Variants in CBLL2 observed in about 807,000 individuals in gnomAD.
The protein encoded by CBLL2 is Cbl proto-oncogene like 2.
For synonymous variants in CBLL2, 123 were observed against 124.9 expected (o/e 0.98, Z 0.10); for missense variants, 347 against 343.2 (o/e 1.01, Z -0.09).
rs1275971114 is a variant in CBLL2, at chrX:22,274,019, C to T, written c.1028C>T (p.Pro343Leu). The T allele has an allele frequency of 8.3e-7, 1 of 1,211,535 alleles. No individual in the cohort carries two copies. Among genetic ancestry groups the T allele is most frequent in the South Asian group, 1.8e-5 (1 of 56,966 alleles). Residue 343 changes from proline to leucine, a missense_variant, in exon 1 of 1, where the codon CCC (proline) becomes CTC (leucine). Transcript: ENST00000323684. Reference protein sequence around the residue: ...PDMNSPPLRAPQSQNGNPSAS... With the variant: ...PDMNSPPLRALQSQNGNPSAS... ...ATGAATTCTCCTCCACTACGTGCTC[C>T]CCAGTCTCAAAATGGTAATCCATCT...
chrX:22,272,941 C>G lies in CBLL2; in HGVS notation c.-51C>G, dbSNP rs770606914. 3.7e-6 allele frequency: 4 copies of G among 1,070,057 alleles called. No homozygotes were observed. The Admixed American group carries it at 1.2e-4, about 32-fold the overall frequency. 88.2% of individuals were successfully genotyped at this position (1,070,057 alleles called of 1,213,427 possible). On this transcript the variant is annotated 5_prime_UTR_variant, in exon 1 of 1. Transcript: ENST00000323684. ...TTAGCAGAAGAATTCCTTTAAACGT[C>G]ATTTTTGAGGAAGTAGACAAACCTA...
Position 22,273,272 on chromosome X carries a change from C to T in CBLL2, c.281C>T (p.Pro94Leu), listed in dbSNP as rs201885236. Residue 94 changes from proline (P) to leucine (L), a missense_variant, in exon 1 of 1, where the codon CCG (proline) becomes CTG (leucine). Physicochemically the swap from Pro to Leu is moderately conservative, Grantham distance 98. Transcript: ENST00000323684. ...GACAAAGTCGGATATAAAGTATGTC[C>T]GCGCTGTCGTTATCCTGTGCTGAGA... ...LYDKVGYKVC[P>L]RCRYPVLRIE... The T allele has an allele frequency of 4.0e-5, 48 of 1,209,826 alleles. No individual in the cohort carries two copies. The highest frequency in any genetic ancestry group is 3.7e-4 in the South Asian group (21 of 56,759).
At position 22,274,070 on chromosome X, in the gene CBLL2, A is replaced by G; in HGVS notation, c.1079A>G (p.Tyr360Cys). 2 of 1,211,963 alleles carry G rather than the reference A, an allele frequency of 1.7e-6. No individual in the cohort carries two copies. Among genetic ancestry groups the G allele is most frequent in the South Asian group, 3.5e-5 (2 of 57,004 alleles). Residue 360 changes from tyrosine to cysteine, a missense_variant, in exon 1 of 1, where the codon TAT (tyrosine) becomes TGT (cysteine). Coordinates refer to ENST00000323684, the MANE Select transcript of CBLL2 (RefSeq NM_152577.4). ...PSASEFASHH[Y>C]NLNILPQFTE... is the part of the protein sequence containing the mutation. ...GCAAGTGAATTTGCTTCTCACCATT[A>G]TAACCTTAACATTTTACCTCAGTTC...
chrX:22,273,919 C>T lies in CBLL2; in HGVS notation c.928C>T (p.Arg310Cys). Residue 310 changes from arginine to cysteine, a missense_variant, in exon 1 of 1, where the codon CGT becomes TGT. By Grantham distance (180) the Arg-to-Cys change is radical. Transcript: ENST00000323684. Reference protein sequence around the residue: ...PQDVVTPNSVRSQVPALTTTY... With the variant: ...PQDVVTPNSVCSQVPALTTTY... ...GGATGTAGTTACTCCTAACTCGGTT[C>T]GTAGCCAAGTGCCAGCTCTAACCAC... 5.0e-6 allele frequency: 6 copies of T among 1,210,970 alleles called. No individual in the cohort carries two copies. Among genetic ancestry groups the T allele is most frequent in the South Asian group, 1.8e-5 (1 of 56,941 alleles).
chrX:22,273,461 T>G lies in CBLL2; in HGVS notation c.470T>G (p.Ile157Ser). Residue 157 changes from isoleucine to serine, a missense_variant, in exon 1 of 1, where the codon ATT becomes AGT. Physicochemically the swap from Ile to Ser is moderately radical, Grantham distance 142. Coordinates refer to ENST00000323684, the MANE Select transcript of CBLL2 (RefSeq NM_152577.4). ...TCGCTTGAAAAAGTTCGTCCTCATA[T>G]TGCTCCGCCACAAACTGAAATCTCT... is the stretch of plus-strand genomic sequence containing the variant. Reference protein sequence around the residue: ...SASLEKVRPHIAPPQTEISDI... With the variant: ...SASLEKVRPHSAPPQTEISDI... 2 of 1,211,718 alleles carry G rather than the reference T, an allele frequency of 1.7e-6. No individual in the cohort carries two copies. The highest frequency in any genetic ancestry group is 2.2e-6 in the Non-Finnish European group (2 of 895,534).
chrX:22,274,389 G>A lies in CBLL2; in HGVS notation c.*120G>A. 2 of 627,542 alleles carry A rather than the reference G, an allele frequency of 3.2e-6. No individual in the cohort carries two copies. Among genetic ancestry groups the A allele is most frequent in the Non-Finnish European group, 4.7e-6 (2 of 421,995 alleles). 51.7% of individuals were successfully genotyped at this position (627,542 alleles called of 1,213,427 possible). ...TGGAGTTGAACAACTTTGTTCCTCT[G>A]GTGTGGTAAATTGACCTAAAGGTGA... On this transcript the variant is annotated 3_prime_UTR_variant, in exon 1 of 1. Coordinates refer to ENST00000323684, the MANE Select transcript of CBLL2 (RefSeq NM_152577.4).
At position 22,273,403 on chromosome X, in the gene CBLL2, C is replaced by T; in HGVS notation, c.412C>T (p.His138Tyr). The change falls in exon 1 of 1, where the codon CAT becomes TAT. Residue 138 changes from histidine (H) to tyrosine (Y), a missense_variant. Coordinates refer to ENST00000323684, the MANE Select transcript of CBLL2 (RefSeq NM_152577.4). ...CTTACAGGCTCATATCAAACGCCGC[C>T]ATAAGAGAGCTCGAAAACAAGTTAC... The part of the protein sequence containing the change: ...KSLQAHIKRR[H>Y]KRARKQVTSA... 4 of 1,211,651 alleles carry T rather than the reference C, an allele frequency of 3.3e-6. No homozygotes were observed. Among genetic ancestry groups the T allele is most frequent in the Non-Finnish European group, 4.5e-6 (4 of 895,522 alleles).
Position 22,272,920 on chromosome X carries a change from C to T in CBLL2, c.-72C>T, listed in dbSNP as rs1186781565. ...GATCGTTGGGTGGCCTTCACGTTAGCAGAAGAATTCCTTTAAACGTCATTT... is the reference window on the plus strand; with the variant it reads ...GATCGTTGGGTGGCCTTCACGTTAGTAGAAGAATTCCTTTAAACGTCATTT... On this transcript the variant is annotated 5_prime_UTR_variant, in exon 1 of 1. Transcript: ENST00000323684. 7 of 959,210 alleles carry T rather than the reference C, an allele frequency of 7.3e-6. No homozygotes were observed. Among genetic ancestry groups the T allele is most frequent in the East Asian group, 3.1e-5 (1 of 32,520 alleles). The allele number at this position is 959,210 out of a possible 1,213,427, so 79.0% of individuals were successfully genotyped here.
At position 22,273,434 on chromosome X, in the gene CBLL2, C is replaced by G; in HGVS notation, c.443C>G (p.Ala148Gly). Residue 148 changes from alanine (A) to glycine (G), a missense_variant, in exon 1 of 1, where the codon GCT becomes GGT. Physicochemically the swap from Ala to Gly is moderately conservative, Grantham distance 60. Coordinates refer to ENST00000323684, the MANE Select transcript of CBLL2 (RefSeq NM_152577.4). ...HKRARKQVTS[A>G]SLEKVRPHIA... ...AGAGCTCGAAAACAAGTTACCAGCG[C>G]TTCGCTTGAAAAAGTTCGTCCTCAT... is the stretch of plus-strand genomic sequence containing the variant. 8.3e-7 allele frequency: 1 copy of G among 1,211,631 alleles called. No homozygotes were observed. The highest frequency in any genetic ancestry group is 1.1e-6 in the Non-Finnish European group (1 of 895,565).
chrX:22,273,625 C>T lies in CBLL2; in HGVS notation c.634C>T (p.Pro212Ser). 1 of 1,211,530 alleles carries T rather than the reference C, an allele frequency of 8.3e-7. No individual in the cohort carries two copies. Among genetic ancestry groups the T allele is most frequent in the African/African-American group, 1.7e-5 (1 of 57,738 alleles). Residue 212 changes from proline to serine, a missense_variant, in exon 1 of 1, where the codon CCC (proline) becomes TCC (serine). By Grantham distance (74) the Pro-to-Ser change is moderately conservative (BLOSUM62 -1). Coordinates refer to ENST00000323684, the MANE Select transcript of CBLL2 (RefSeq NM_152577.4). ...NQPHKDIQAP[P>S]PELSLSLPFP... is the part of the protein sequence containing the mutation. ...GCCACATAAGGATATCCAGGCTCCTCCCCCAGAACTATCTCTAAGTCTGCC... is the reference window on the plus strand; with the variant it reads ...GCCACATAAGGATATCCAGGCTCCTTCCCCAGAACTATCTCTAAGTCTGCC...
At position 22,273,280 on chromosome X, in the gene CBLL2, C is replaced by A; in HGVS notation, c.289C>A (p.Arg97Ser). The stretch of plus-strand genomic sequence containing the variant: ...CGGATATAAAGTATGTCCGCGCTGT[C>A]GTTATCCTGTGCTGAGAATTGAGGC... ...KVGYKVCPRCRYPVLRIEAHK... is the reference protein window; with the variant it reads ...KVGYKVCPRCSYPVLRIEAHK... The change falls in exon 1 of 1, where the codon CGT (arginine) becomes AGT (serine). Residue 97 changes from arginine (R) to serine (S), a missense_variant. Arg to Ser is a moderately radical substitution (Grantham distance 110). Coordinates refer to ENST00000323684, the MANE Select transcript of CBLL2 (RefSeq NM_152577.4). 4.1e-6 allele frequency: 5 copies of A among 1,211,617 alleles called. No individual in the cohort carries two copies. The South Asian group carries it at 8.8e-5, about 21-fold the overall frequency.
chrX:22,273,790 C>T lies in CBLL2; in HGVS notation c.799C>T (p.Pro267Ser), dbSNP rs752998178. ...PDYYPECQSQ[P>S]AVSSPHHIIP... ...CTATTATCCTGAGTGTCAAAGTCAA[C>T]CAGCGGTATCGTCCCCTCATCATAT... Residue 267 changes from proline (P) to serine (S), a missense_variant, in exon 1 of 1, where the codon CCA (proline) becomes TCA (serine). Transcript: ENST00000323684. 3 of 1,211,246 alleles carry T rather than the reference C, an allele frequency of 2.5e-6. No homozygotes were observed. The South Asian group carries it at 5.3e-5, about 21-fold the overall frequency.
At position 22,273,271 on chromosome X, in the gene CBLL2, C is replaced by T. The variant is rs144175358; in HGVS notation, c.280C>T (p.Pro94Ser). ...TGACAAAGTCGGATATAAAGTATGT[C>T]CGCGCTGTCGTTATCCTGTGCTGAG... ...LYDKVGYKVC[P>S]RCRYPVLRIE... Residue 94 changes from proline to serine, a missense_variant, in exon 1 of 1, where the codon CCG becomes TCG. Transcript: ENST00000323684. 17 of 1,211,630 alleles carry T rather than the reference C, an allele frequency of 1.4e-5. No homozygotes were observed. The highest frequency in any genetic ancestry group is 1.9e-5 in the Non-Finnish European group (17 of 895,503).
In CBLL2 at chrX:22,274,095, C is replaced by A. The variant is rs1936797556; in HGVS notation, c.1104C>A (p.Phe368Leu). ...ATAACCTTAACATTTTACCTCAGTT[C>A]ACCGAAAATCAAGAAACCTTGAGCC... ...HHYNLNILPQFTENQETLSPQ... is the reference protein window; with the variant it reads ...HHYNLNILPQLTENQETLSPQ... Residue 368 changes from phenylalanine to leucine, a missense_variant, in exon 1 of 1, where the codon TTC (phenylalanine) becomes TTA (leucine). Transcript: ENST00000323684. The A allele has an allele frequency of 2.5e-6, 3 of 1,209,931 alleles. No individual in the cohort carries two copies. In the South Asian group the frequency reaches 5.3e-5, roughly 21 times the overall value.
In CBLL2 at chrX:22,273,340, G is replaced by C. The variant is rs142294017; in HGVS notation, c.349G>C (p.Val117Leu). Residue 117 changes from valine (V) to leucine (L), a missense_variant, in exon 1 of 1, where the codon GTT (valine) becomes CTT (leucine). Coordinates refer to ENST00000323684, the MANE Select transcript of CBLL2 (RefSeq NM_152577.4). ...AGGTTCTGTCTTCATGTGTAGTATT[G>C]TTCAGCAGTGCAAGAGAACATACTT... is the stretch of plus-strand genomic sequence containing the variant. Reference protein sequence around the residue: ...KRGSVFMCSIVQQCKRTYLSQ... With the variant: ...KRGSVFMCSILQQCKRTYLSQ... 2.5e-5 allele frequency: 30 copies of C among 1,210,109 alleles called. No homozygotes were observed. The African/African-American group carries it at 5.1e-4, about 20-fold the overall frequency.
Position 22,272,946 on chromosome X carries a change from T to C in CBLL2, c.-46T>C, listed in dbSNP as rs1292809505. ...AGAAGAATTCCTTTAAACGTCATTT[T>C]TGAGGAAGTAGACAAACCTAAATAT... On this transcript the variant is annotated 5_prime_UTR_variant, in exon 1 of 1. Transcript: ENST00000323684. 1 of 1,084,796 alleles carries C rather than the reference T, an allele frequency of 9.2e-7. No individual in the cohort carries two copies. The highest frequency in any genetic ancestry group is 1.9e-5 in the African/African-American group (1 of 53,170). 89.4% of individuals were successfully genotyped at this position (1,084,796 alleles called of 1,213,427 possible).
At position 22,273,338 on chromosome X, in the gene CBLL2, T is replaced by C; in HGVS notation, c.347T>C (p.Ile116Thr). The C allele has an allele frequency of 1.7e-6, 2 of 1,212,011 alleles. No homozygotes were observed. The highest frequency in any genetic ancestry group is 2.2e-6 in the Non-Finnish European group (2 of 895,586). The change falls in exon 1 of 1, where the codon ATT (isoleucine) becomes ACT (threonine). Residue 116 changes from isoleucine to threonine, a missense_variant. By Grantham distance (89) the Ile-to-Thr change is moderately conservative. Coordinates refer to ENST00000323684, the MANE Select transcript of CBLL2 (RefSeq NM_152577.4). ...HKRGSVFMCS[I>T]VQQCKRTYLS... ...CGAGGTTCTGTCTTCATGTGTAGTA[T>C]TGTTCAGCAGTGCAAGAGAACATAC...
rs762326894 is a variant in CBLL2 at position 22,274,098 on chromosome X, C to G, written c.1107C>G (p.Thr369=). 1 of 1,211,616 alleles carries G rather than the reference C, an allele frequency of 8.3e-7. No individual in the cohort carries two copies. Among genetic ancestry groups the G allele is most frequent in the African/African-American group, 1.7e-5 (1 of 57,677 alleles). The stretch of plus-strand genomic sequence containing the variant: ...ACCTTAACATTTTACCTCAGTTCAC[C>G]GAAAATCAAGAAACCTTGAGCCCTC... ...HYNLNILPQF[T]ENQETLSPQF... The change falls in exon 1 of 1, where the codon ACC becomes ACG. Residue 369 remains threonine (T), a synonymous_variant. Coordinates refer to ENST00000323684, the MANE Select transcript of CBLL2 (RefSeq NM_152577.4).
chrX:22,273,152 T>G lies in CBLL2; in HGVS notation c.161T>G (p.Ile54Ser). ...NIIGEKDDLP[I>S]HFCDKCDLPI... ...ATAGGTGAAAAGGATGATTTACCAA[T>G]TCATTTCTGTGACAAATGTGATTTG... The change falls in exon 1 of 1, where the codon ATT becomes AGT. Residue 54 changes from isoleucine (I) to serine (S), a missense_variant. Ile to Ser is a moderately radical substitution (Grantham distance 142). Transcript: ENST00000323684. 2 of 1,211,417 alleles carry G rather than the reference T, an allele frequency of 1.7e-6. No homozygotes were observed. The highest frequency in any genetic ancestry group is 2.2e-6 in the Non-Finnish European group (2 of 895,269).
Sources: allele counts gnomAD v4.1 joint callset, GRCh38; gene constraint gnomAD v4.1.1; transcripts MANE v1.5; gene names NCBI Gene and HGNC (gene_info 2026-07-23, HGNC 2026-07-21).